Variants in COL6A5 observed in about 807,000 individuals in gnomAD.
COL6A5 encodes collagen alpha-5(VI) chain.
In COL6A5, 48 loss-of-function variants were observed where a neutral mutation model predicts 65.6. The observed-to-expected ratio is 0.73, with a 90% CI of 0.58 to 0.93. The LOEUF (loss-of-function observed/expected upper bound fraction) is 0.93, where lower values mean the gene tolerates loss of function less well. Ranked by LOEUF, COL6A5 falls within the 40% of genes least tolerant of loss-of-function variation. The pLI is 0.00. For missense variants in COL6A5, 914 were observed against 928.3 expected (o/e 0.98, Z 0.20); for synonymous variants, 291 against 322.8 (o/e 0.90, Z 1.05).
chr3:130,375,383 C>T (rs1440641423), intron 2 of COL6A5, among the ~76,000 whole-genome samples: 1 of 152,110 alleles, frequency 6.6e-6, no homozygotes, highest in Admixed American at 6.5e-5. Context: ...AATTTAGGCT[C>T]CAGAGCCCCT....
exon 5 of COL6A5, chr3:130,385,354 C>T (rs961502121): frequency 3.6e-5 from 55 of 1,549,136 alleles, no homozygotes; most frequent in Middle Eastern, 1.7e-4. Context: ...GTGAAATCTG[C>T]GCTGAAAAAG....
At chr3:130,422,760 C>A in exon 28 of COL6A5, 2 of 1,521,436 alleles carry the variant, frequency 1.3e-6, no homozygotes, top group Non-Finnish European at 1.8e-6. Context: ...GGACCTGGAC[C>A]CAAAGGATTT....
At chr3:130,384,772 T>A in intron 4 of COL6A5, 32 bp from the exon 5 acceptor site, 1 of 1,480,982 alleles carries the variant, frequency 6.8e-7, no homozygotes, top group Non-Finnish European at 9.0e-7. Flanking sequence ...CTCTAGGTTC[T>A]CTAATTTACA....
chr3:130,414,197 G>T, intron 22 of COL6A5, 66 bp downstream of exon 22: 1 of 1,216,866 alleles, frequency 8.2e-7, no homozygotes, highest in East Asian at 2.6e-5. Context: ...AAGAAGGCAG[G>T]TATTTCTGTA....
intron 4 of COL6A5, among the ~76,000 whole-genome samples, chr3:130,452,385 T>C (rs62281868): frequency 0.016 from 2,456 of 152,238 alleles, 36 homozygotes; most frequent in Non-Finnish European, 0.026. Flanking sequence ...TCCCTAAGCA[T>C]GCACCAGTTT....
chr3:130,350,513 A>G (rs547491856), intron 1 of COL6A5, among the ~76,000 whole-genome samples: 4 of 152,336 alleles, frequency 2.6e-5, no homozygotes, highest in East Asian at 1.9e-4. Context: ...CTATATGCCA[A>G]TAACAGACAA....
intron 23 of COL6A5, among the ~76,000 whole-genome samples, chr3:130,416,378 C>T (rs577013557): frequency 1.4e-4 from 22 of 152,144 alleles, no homozygotes; most frequent in African/African-American, 4.1e-4. Flanking sequence ...TCCTGCATGC[C>T]GTTATGTATG....
chr3:130,416,769 C>T, exon 24 of COL6A5: 4 of 1,534,346 alleles, frequency 2.6e-6, no homozygotes, highest in Non-Finnish European at 3.5e-6. Context: ...TTCTCCTGGG[C>T]TAATGGGAGC....
chr3:130,370,798 T>G (rs1290882950), intron 1 of COL6A5, among the ~76,000 whole-genome samples: 2 of 152,198 alleles, frequency 1.3e-5, no homozygotes, highest in African/African-American at 4.8e-5. Context: ...TACTTTTTAC[T>G]CAGCAGTTCC....
intron 1 of COL6A5, among the ~76,000 whole-genome samples, chr3:130,433,748 A>G (rs958885737): frequency 6.6e-6 from 1 of 152,036 alleles, no homozygotes; most frequent in Non-Finnish European, 1.5e-5. Context: ...TGAGCTTTTT[A>G]AATGTTTGCC....
In COL6A5 at chr3:130,398,389, C is replaced by A. The variant is rs187109663; in HGVS notation, c.3991+278C>A. Reference sequence around the variant, plus strand: ...TCGTGATTCACCCGACTTGGCCTCCCAAAGTGCTGGGATTGCAGGCGTGAG... The same window carrying A: ...TCGTGATTCACCCGACTTGGCCTCCAAAAGTGCTGGGATTGCAGGCGTGAG... On this transcript the variant is annotated intron_variant and NMD_transcript_variant, in intron 10 of 41. Coordinates refer to the COL6A5 transcript ENST00000312481. 2.2e-3 allele frequency among the ~76,000 whole-genome samples: 333 copies of A among 152,230 alleles called. 2 individuals carry two copies. The highest frequency in any genetic ancestry group is 4.1e-3 in the Admixed American group (62 of 15,298).
At chr3:130,382,512 C>G (rs1936034422) in intron 4 of COL6A5, among the ~76,000 whole-genome samples, 1 of 152,156 alleles carries the variant, frequency 6.6e-6, no homozygotes, top group African/African-American at 2.4e-5. Flanking sequence ...GTTAATAATT[C>G]AGTTGCCCAA....
chr3:130,429,135 G>C (rs1050626215), upstream of COL6A5, among the ~76,000 whole-genome samples: 1 of 152,246 alleles, frequency 6.6e-6, no homozygotes, highest in East Asian at 1.9e-4. Flanking sequence ...GGTTGTATGG[G>C]AAAATAAAGG....
At chr3:130,365,762 C>T (rs1935313006) in intron 1 of COL6A5, among the ~76,000 whole-genome samples, 1 of 152,162 alleles carries the variant, frequency 6.6e-6, no homozygotes, top group African/African-American at 2.4e-5. Flanking sequence ...GGTCGTCAAC[C>T]TTGGCTGCAC....
exon 8 of COL6A5, chr3:130,484,136 G>A: frequency 7.5e-7 from 1 of 1,326,496 alleles, no homozygotes. Flanking sequence ...TCTGTTAGAG[G>A]TACTGTGGTA....
intron 1 of COL6A5, among the ~76,000 whole-genome samples, chr3:130,370,232 T>C (rs1935504051): frequency 6.6e-6 from 1 of 152,134 alleles, no homozygotes; most frequent in South Asian, 2.1e-4. Context: ...ATATTCTAAA[T>C]ATTTTTTTCA....
At chr3:130,480,425 T>TAA in intron 7 of COL6A5, among the ~76,000 whole-genome samples, 1 of 152,012 alleles carries the variant, frequency 6.6e-6, no homozygotes. Flanking sequence ...TTAAAGCATA[T>TAA]AAACTTATTA....
intron 17 of COL6A5, 93 bp downstream of exon 17, chr3:130,406,414 T>A (rs1316963302): frequency 2.0e-6 from 2 of 985,544 alleles, no homozygotes; most frequent in Non-Finnish European, 3.1e-6. Context: ...GGGGATAAAA[T>A]TTACAACTGA....
intron 10 of COL6A5, among the ~76,000 whole-genome samples, chr3:130,399,370 C>CTTTTTT (rs34407199): frequency 7.7e-6 from 1 of 130,434 alleles, no homozygotes. Flanking sequence ...TCATTTCTTT[C>CTTTTTT]TTTTTTTTTT....
Sources: gnomAD v4.1 joint callset for allele counts (sites outside exome capture counted in the v4.1 genomes callset) on GRCh38, gnomAD v4.1.1 for gene constraint, MANE v1.5 for transcripts, NCBI Gene and HGNC (gene_info 2026-07-23, HGNC 2026-07-21) for gene names.